ADAM29: variants seen among roughly 807,000 people sequenced by gnomAD.
ADAM29 encodes ADAM metallopeptidase domain 29, also known as disintegrin and metalloproteinase domain-containing protein 29.
For synonymous variants in ADAM29, 367 were observed against 342.3 expected (o/e 1.07, Z -0.80); for missense variants, 969 against 1,001.8 (o/e 0.97, Z 0.44).
At chr4:174,925,271 G>T (rs1317589169) in intron 2 of ADAM29, among the ~76,000 whole-genome samples, 1 of 152,006 alleles carries the variant, frequency 6.6e-6, no homozygotes, top group Non-Finnish European at 1.5e-5. Context: ...TGTTAATATT[G>T]GTTCTTTCAT....
intron 1 of ADAM29, among the ~76,000 whole-genome samples, chr4:174,919,980 C>T (rs1743077828): frequency 6.6e-6 from 1 of 152,150 alleles, no homozygotes; most frequent in African/African-American, 2.4e-5. Flanking sequence ...TATCACTTAA[C>T]CAAATCTTTG....
At chr4:174,935,012 T>C (rs1402351736) in intron 3 of ADAM29, among the ~76,000 whole-genome samples, 1 of 152,138 alleles carries the variant, frequency 6.6e-6, no homozygotes, top group African/African-American at 2.4e-5. Context: ...AGATACATAA[T>C]CAATAGAGAT....
intron 2 of ADAM29, among the ~76,000 whole-genome samples, chr4:174,921,958 T>C (rs1434182864): frequency 6.6e-6 from 1 of 152,200 alleles, no homozygotes; most frequent in Non-Finnish European, 1.5e-5. Context: ...ACTTATCAGG[T>C]ATTATAACAA....
chr4:174,920,978 A>G (rs1743128386), intron 2 of ADAM29, among the ~76,000 whole-genome samples, 186 bp downstream of exon 2: 1 of 152,150 alleles, frequency 6.6e-6, no homozygotes, highest in Non-Finnish European at 1.5e-5. Context: ...CATTACACCA[A>G]TGGGTAGTTC....
intron 2 of ADAM29, among the ~76,000 whole-genome samples, chr4:174,921,092 GAAT>G (rs528369218): frequency 9.9e-4 from 150 of 152,096 alleles, no homozygotes; most frequent in South Asian, 2.3e-3. Context: ...AAGAAAACTA[GAAT>G]AATAAGCACA....
At chr4:174,947,836 T>C (rs1223386033) in intron 4 of ADAM29, among the ~76,000 whole-genome samples, 1 of 152,230 alleles carries the variant, frequency 6.6e-6, no homozygotes, top group African/African-American at 2.4e-5. Context: ...TACTGTCAAT[T>C]GGAGGTGAAG....
At chr4:174,942,202 A>T (rs1379201899) in intron 4 of ADAM29, among the ~76,000 whole-genome samples, 1 of 152,174 alleles carries the variant, frequency 6.6e-6, no homozygotes, top group Non-Finnish European at 1.5e-5. Context: ...TTCCAAGCGC[A>T]TGGTGAAAGC....
At chr4:174,933,926 G>T (rs1402386424) in intron 3 of ADAM29, among the ~76,000 whole-genome samples, 1 of 152,158 alleles carries the variant, frequency 6.6e-6, no homozygotes, top group South Asian at 2.1e-4. Context: ...GAATAGCGCT[G>T]CAATGAACAT....
chr4:174,939,141 G>A (rs1008255108), intron 4 of ADAM29, among the ~76,000 whole-genome samples: 1 of 152,102 alleles, frequency 6.6e-6, no homozygotes, highest in African/African-American at 2.4e-5. Flanking sequence ...TTCCAAATAA[G>A]AGTACATTCA....
intron 3 of ADAM29, among the ~76,000 whole-genome samples, chr4:174,935,325 G>T (rs1031448210): frequency 2.6e-5 from 4 of 152,132 alleles, no homozygotes; most frequent in African/African-American, 9.6e-5. Context: ...AGAATTTATT[G>T]TTAGATTAAA....
intron 4 of ADAM29, among the ~76,000 whole-genome samples, chr4:174,943,830 GA>G (rs1744687622): frequency 6.0e-5 from 1 of 16,754 alleles, no homozygotes; most frequent in Non-Finnish European, 3.5e-4. Flanking sequence ...AAAAAAAAAG[GA>G]AGTCGTTCAG....
Position 174,976,951 on chromosome 4 carries a change from C to T in ADAM29, c.1426C>T (p.Pro476Ser). The T allele has an allele frequency of 6.2e-7, 1 of 1,613,948 alleles. No individual in the cohort carries two copies. The highest frequency in any genetic ancestry group is 8.5e-7 in the Non-Finnish European group (1 of 1,179,980). The change falls in exon 5 of 5, where the codon CCA becomes TCA. Residue 476 changes from proline to serine, a missense_variant. By Grantham distance (74) the Pro-to-Ser change is moderately conservative. Transcript: ENST00000359240. ...GTGCAATGGTACTTCCCATAAGTGC[C>T]CAGATGACTTTTATGTGGAAGATGG... ...EWCNGTSHKC[P>S]DDFYVEDGIP...
chr4:174,953,429 T>C (rs1341290694), intron 4 of ADAM29, among the ~76,000 whole-genome samples: 2 of 152,216 alleles, frequency 1.3e-5, no homozygotes, highest in Non-Finnish European at 1.5e-5. Flanking sequence ...CAAAAGGGCC[T>C]GGAATAAAAT....
At chr4:174,936,615 A>G (rs1744215804) in intron 3 of ADAM29, among the ~76,000 whole-genome samples, 1 of 151,948 alleles carries the variant, frequency 6.6e-6, no homozygotes, top group Non-Finnish European at 1.5e-5. Flanking sequence ...AGTTGCTCCC[A>G]CTTGTATTTG....
intron 4 of ADAM29, among the ~76,000 whole-genome samples, chr4:174,939,927 T>C (rs1211129033): frequency 6.6e-6 from 1 of 152,022 alleles, no homozygotes; most frequent in Non-Finnish European, 1.5e-5. Context: ...TTTTTCTCCC[T>C]CTCTTCCTTC....
intron 3 of ADAM29, among the ~76,000 whole-genome samples, chr4:174,932,658 G>T (rs1322512364): frequency 1.3e-5 from 2 of 152,148 alleles, no homozygotes; most frequent in Non-Finnish European, 2.9e-5. Flanking sequence ...GCCAAGTAAG[G>T]ATTTTGAGTG....
At chr4:174,938,208 T>TA (rs1357656471) in intron 4 of ADAM29, among the ~76,000 whole-genome samples, 2 of 152,176 alleles carry the variant, frequency 1.3e-5, no homozygotes, top group South Asian at 4.1e-4. Flanking sequence ...ATTTAAATAT[T>TA]AAAAAACCAA....
At position 174,965,508 on chromosome 4, in the gene ADAM29, T is replaced by TATCTATC. The variant is rs1553977754; in HGVS notation, c.-180-9837_-180-9831dup. On this transcript the variant is annotated intron_variant, in intron 4 of 4. Coordinates refer to ENST00000359240, the MANE Select transcript of ADAM29 (RefSeq NM_014269.4). ...TCATCTATCTATCTATCTATCTATC[T>TATCTATC]ATCTATCTATCTATCATCTATCATC... Among the ~76,000 whole-genome samples the TATCTATC allele has an allele frequency of 3.2e-4, 49 of 151,864 alleles. 1 individual carries two copies. The highest frequency in any genetic ancestry group is 1.1e-3 in the African/African-American group (47 of 41,328).
At chr4:174,929,701 A>G (rs1463507639) in intron 2 of ADAM29, among the ~76,000 whole-genome samples, 1 of 151,030 alleles carries the variant, frequency 6.6e-6, no homozygotes, top group South Asian at 2.1e-4. Context: ...TAGGATTTAC[A>G]TAATTTCATT....
Sources: gnomAD v4.1 joint callset for allele counts (sites outside exome capture counted in the v4.1 genomes callset) on GRCh38, gnomAD v4.1.1 for gene constraint, MANE v1.5 for transcripts, NCBI Gene and HGNC (gene_info 2026-07-23, HGNC 2026-07-21) for gene names.